The following MINDY4B variants were observed in gnomAD, a reference collection of about 807,000 sequenced individuals.
MINDY4B encodes inactive ubiquitin carboxyl-terminal hydrolase MINDY-4B.
MINDY4B carries 25 observed loss-of-function variants against 16.7 expected under a neutral mutation model. That is an observed-to-expected ratio of 1.49 (90% CI 1.09 to 2.09). The LOEUF (loss-of-function observed/expected upper bound fraction) is 2.09. Among genes scored for constraint, MINDY4B ranks in the 30% most tolerant of loss-of-function variants. The pLI is 0.00. For synonymous variants in MINDY4B, 132 were observed against 61.9 expected (o/e 2.13, Z -5.32); for missense variants, 327 against 168.4 (o/e 1.94, Z -5.21).
chr3:150,887,507 G>A (rs1283386446), intron 7 of MINDY4B, among the ~76,000 whole-genome samples: 1 of 152,138 alleles, frequency 6.6e-6, no homozygotes, highest in Non-Finnish European at 1.5e-5. Context: ...GTCTAATGAG[G>A]GTAGCTGCCT....
intron 7 of MINDY4B, 117 bp downstream of exon 7, chr3:150,890,203 C>A (rs1266444811): frequency 4.9e-6 from 2 of 410,812 alleles, no homozygotes; most frequent in South Asian, 8.8e-5. Context: ...CTTTCTTAGC[C>A]CTCAAAATGA....
At position 150,870,811 on chromosome 3, in the gene MINDY4B, C is replaced by T. The variant is rs887496398; in HGVS notation, c.*234G>A. Among the ~76,000 whole-genome samples the T allele has an allele frequency of 6.6e-6, 1 of 152,176 alleles. No individual in the cohort carries two copies. The highest frequency in any genetic ancestry group is 1.5e-5 in the Non-Finnish European group (1 of 68,016). The stretch of plus-strand genomic sequence containing the variant: ...AGAAAGAAACCAGTCTATGTGACTA[C>T]GGAGGAGGCACCATGCAGGCCCTGG... On this transcript the variant is annotated 3_prime_UTR_variant, in exon 12 of 12. Coordinates refer to ENST00000465419, the MANE Select transcript of MINDY4B (RefSeq NM_001351281.2).
chr3:150,876,864 C>G (rs1191137388), intron 10 of MINDY4B, among the ~76,000 whole-genome samples: 1 of 152,114 alleles, frequency 6.6e-6, no homozygotes, highest in Non-Finnish European at 1.5e-5. Context: ...GTGTTAGACT[C>G]AAACTGCTTT....
intron 5 of MINDY4B, 53 bp downstream of exon 5, chr3:150,893,271 T>A (rs762164065): frequency 1.4e-6 from 1 of 701,204 alleles, no homozygotes; most frequent in Non-Finnish European, 2.6e-6. Context: ...TTATTTAGCA[T>A]ATCAAGATTC....
intron 7 of MINDY4B, among the ~76,000 whole-genome samples, chr3:150,889,452 C>T (rs1381288993): frequency 6.6e-6 from 1 of 152,236 alleles, no homozygotes; most frequent in South Asian, 2.1e-4. Flanking sequence ...CCACCGGGCC[C>T]ACCTGGGTCA....
At chr3:150,881,042 C>G (rs1711517532) in intron 10 of MINDY4B, among the ~76,000 whole-genome samples, 1 of 152,178 alleles carries the variant, frequency 6.6e-6, no homozygotes, top group South Asian at 2.1e-4. Flanking sequence ...AGGCTGTATT[C>G]AAAGTATAGT....
intron 7 of MINDY4B, among the ~76,000 whole-genome samples, chr3:150,890,077 C>A (rs1445533348): frequency 6.6e-6 from 1 of 152,194 alleles, no homozygotes; most frequent in Non-Finnish European, 1.5e-5. Flanking sequence ...GGATTATTCT[C>A]TGGTCTTGAT....
At chr3:150,876,991 G>C (rs978595717) in intron 10 of MINDY4B, among the ~76,000 whole-genome samples, 1 of 152,148 alleles carries the variant, frequency 6.6e-6, no homozygotes, top group African/African-American at 2.4e-5. Flanking sequence ...CGTTCTGCAG[G>C]AACCATCAGT....
At chr3:150,873,582 A>G (rs1273419171) in intron 10 of MINDY4B, among the ~76,000 whole-genome samples, 1 of 152,218 alleles carries the variant, frequency 6.6e-6, no homozygotes, top group African/African-American at 2.4e-5. Context: ...TGCCATTTTT[A>G]TCTTAATGGA....
intron 5 of MINDY4B, among the ~76,000 whole-genome samples, chr3:150,892,839 C>A (rs1013325912): frequency 1.3e-5 from 2 of 150,892 alleles, no homozygotes; most frequent in Non-Finnish European, 2.9e-5. Context: ...ACTCAGGAGG[C>A]CGAGGCAGGA....
At chr3:150,891,885 G>T (rs1376337329) in intron 5 of MINDY4B, among the ~76,000 whole-genome samples, 1 of 152,094 alleles carries the variant, frequency 6.6e-6, no homozygotes, top group Non-Finnish European at 1.5e-5. Context: ...GTGACTGGGG[G>T]GCTCAGGAAG....
chr3:150,891,164 T>G (rs1711794334), intron 5 of MINDY4B, 61 bp from the exon 6 acceptor site: 6 of 667,240 alleles, frequency 9.0e-6, no homozygotes, highest in Non-Finnish European at 1.4e-5. Context: ...GCCACAGAGA[T>G]GGGAAGTAAT....
chr3:150,877,203 A>C (rs1293889375), intron 10 of MINDY4B, among the ~76,000 whole-genome samples: 2 of 152,196 alleles, frequency 1.3e-5, no homozygotes, highest in African/African-American at 4.8e-5. Context: ...TGACAGCAGA[A>C]TCTACCTGTC....
intron 6 of MINDY4B, 21 bp downstream of exon 6, chr3:150,890,917 G>A: frequency 2.9e-6 from 2 of 699,962 alleles, no homozygotes; most frequent in South Asian, 1.5e-5. Context: ...CATCTGCCAG[G>A]ACAGGGAGAA....
chr3:150,879,636 G>A (rs934868844), intron 10 of MINDY4B, among the ~76,000 whole-genome samples: 5 of 152,156 alleles, frequency 3.3e-5, no homozygotes, highest in African/African-American at 9.7e-5. Flanking sequence ...GGGGGCCCTC[G>A]TTCAAACATT....
chr3:150,904,668 G>A (rs1712198458), intron 2 of MINDY4B, among the ~76,000 whole-genome samples: 1 of 152,088 alleles, frequency 6.6e-6, no homozygotes, highest in Admixed American at 6.5e-5. Flanking sequence ...TTTTAAAATG[G>A]TAAAGGAAAA....
intron 10 of MINDY4B, among the ~76,000 whole-genome samples, chr3:150,882,564 G>GTATATATATATATATATA (rs59302082): frequency 5.1e-4 from 76 of 148,052 alleles, no homozygotes; most frequent in African/African-American, 1.8e-3. Flanking sequence ...GTGTATGTGT[G>GTATATATATATATATATA]TATATATATA....
chr3:150,886,360 G>A (rs991453781), intron 7 of MINDY4B, among the ~76,000 whole-genome samples: 9 of 152,182 alleles, frequency 5.9e-5, no homozygotes, highest in African/African-American at 2.2e-4. Context: ...TGCTATGTGT[G>A]ACCTGACAGG....
chr3:150,883,322 G>T (rs535049652), intron 9 of MINDY4B, among the ~76,000 whole-genome samples: 3 of 151,900 alleles, frequency 2.0e-5, no homozygotes, highest in African/African-American at 4.8e-5. Flanking sequence ...TCTTTTAAAC[G>T]TTGTTTTCCA....
Sources: allele counts gnomAD v4.1 joint callset (sites outside exome capture counted in the v4.1 genomes callset), GRCh38; gene constraint gnomAD v4.1.1; transcripts MANE v1.5; gene names NCBI Gene and HGNC (gene_info 2026-07-23, HGNC 2026-07-21).